CCDC180: variants seen among roughly 807,000 people sequenced by gnomAD.
The protein encoded by CCDC180 is coiled-coil domain-containing protein 180.
CCDC180 carries 154 observed loss-of-function variants against 209.2 expected under a neutral mutation model. The observed-to-expected ratio is 0.74, with a 90% CI of 0.65 to 0.84. CCDC180 has a LOEUF of 0.84. CCDC180 is among the 40% of genes least tolerant of loss of function. The pLI is 0.00. For missense variants in CCDC180, 1,874 were observed against 1,997.3 expected (o/e 0.94, Z 1.18); for synonymous variants, 778 against 749.1 (o/e 1.04, Z -0.63).
chr9:97,359,774 G>A (rs1234346291), intron 25 of CCDC180, among the ~76,000 whole-genome samples: 1 of 152,026 alleles, frequency 6.6e-6, no homozygotes, highest in East Asian at 1.9e-4. Context: ...TGAAGGGTGC[G>A]TTGTCCTTCA....
At chr9:97,332,130 A>G (rs1321403196) in intron 18 of CCDC180, among the ~76,000 whole-genome samples, 2 of 152,138 alleles carry the variant, frequency 1.3e-5, no homozygotes, top group African/African-American at 4.8e-5. Context: ...ACCCAGCACC[A>G]TTTATTAAAT....
At position 97,370,737 on chromosome 9, in the gene CCDC180, G is replaced by A. The variant is rs748240576; in HGVS notation, c.4447G>A (p.Glu1483Lys). Residue 1483 changes from glutamate to lysine, a missense_variant, in exon 33 of 37, where the codon GAG (glutamate) becomes AAG (lysine). Transcript: ENST00000529487. Reference sequence around the variant, plus strand: ...CTTAAGTGAAGAGGAAAGGCAGGAAGAGCTGGACAGCATGATTAGGATGAA... The same window carrying A: ...CTTAAGTGAAGAGGAAAGGCAGGAAAAGCTGGACAGCATGATTAGGATGAA... ...LHLSEEERQEELDSMIRMNKE... is the reference protein window; with the variant it reads ...LHLSEEERQEKLDSMIRMNKE... 5.0e-6 allele frequency: 8 copies of A among 1,614,170 alleles called. No individual in the cohort carries two copies. The East Asian group carries it at 1.8e-4, about 36-fold the overall frequency.
intron 32 of CCDC180, 105 bp downstream of exon 32, chr9:97,370,187 G>A (rs1827039883): frequency 1.5e-6 from 2 of 1,304,160 alleles, no homozygotes; most frequent in Non-Finnish European, 2.1e-6. Context: ...AAGAAGGTGA[G>A]CTTGGCTTGG....
intron 18 of CCDC180, among the ~76,000 whole-genome samples, chr9:97,337,002 T>C (rs940209265): frequency 2.6e-5 from 4 of 152,180 alleles, no homozygotes; most frequent in African/African-American, 9.7e-5. Flanking sequence ...GTGATTTTTG[T>C]ACATTGATTT....
Position 97,312,104 on chromosome 9 carries a change from G to A in CCDC180, c.261-9G>A, listed in dbSNP as rs772132800. ...GCTGGGACTTCACTCTTCTCTGCTTGTGTCTCAGGGAAAAGGAAAGAGCCA... is the reference window on the plus strand; with the variant it reads ...GCTGGGACTTCACTCTTCTCTGCTTATGTCTCAGGGAAAAGGAAAGAGCCA... On this transcript the variant is annotated splice_polypyrimidine_tract_variant and intron_variant, in intron 3 of 36. Transcript: ENST00000529487. 1.9e-6 allele frequency: 3 copies of A among 1,613,218 alleles called. No individual in the cohort carries two copies. The highest frequency in any genetic ancestry group is 1.3e-5 in the African/African-American group (1 of 75,014).
intron 24 of CCDC180, among the ~76,000 whole-genome samples, chr9:97,356,509 C>T (rs981150379): frequency 6.6e-6 from 1 of 152,230 alleles, no homozygotes; most frequent in Non-Finnish European, 1.5e-5. Flanking sequence ...CATAGTGAAT[C>T]CTCAGTAAAG....
intron 24 of CCDC180, among the ~76,000 whole-genome samples, chr9:97,356,190 G>C (rs1183519966): frequency 6.6e-6 from 1 of 152,188 alleles, no homozygotes; most frequent in Non-Finnish European, 1.5e-5. Flanking sequence ...TGGAAATGAA[G>C]GGCCTGGGTT....
rs565758287 is a variant in CCDC180, at chr9:97,353,459, T to TA, written c.3003-1109dup. 1.1e-4 allele frequency among the ~76,000 whole-genome samples: 17 copies of TA among 152,360 alleles called. No individual in the cohort carries two copies. In the East Asian group the frequency reaches 3.3e-3, roughly 29 times the overall value. On this transcript the variant is annotated intron_variant, in intron 22 of 36. Coordinates refer to ENST00000529487, the MANE Select transcript of CCDC180 (RefSeq NM_020893.6). Reference sequence around the variant, plus strand: ...TTTTGGGAGGTCTGTTTCTGTTCTCTATTGTTTTACTGTTTCTCATGCATG... The same window carrying TA: ...TTTTGGGAGGTCTGTTTCTGTTCTCTAATTGTTTTACTGTTTCTCATGCATG...
chr9:97,341,929 C>T (rs533768683), intron 18 of CCDC180, among the ~76,000 whole-genome samples: 1 of 152,180 alleles, frequency 6.6e-6, no homozygotes, highest in Admixed American at 6.5e-5. Context: ...CCTCACAGTT[C>T]GATCTCAGAC....
rs746211158 is a variant in CCDC180, at chr9:97,314,470, T to C, written c.537T>C (p.Arg179=). 3.7e-6 allele frequency: 6 copies of C among 1,613,990 alleles called. No homozygotes were observed. The African/African-American group carries it at 8.0e-5, about 22-fold the overall frequency. Residue 179 remains arginine, a synonymous_variant, in exon 6 of 37, where the codon CGT becomes CGC. Coordinates refer to ENST00000529487, the MANE Select transcript of CCDC180 (RefSeq NM_020893.6). ...KLTESDEEMN[R]LFLKVENDTN... The stretch of plus-strand genomic sequence containing the variant: ...CTGAGTCTGATGAAGAAATGAACCG[T>C]CTCTTCCTAAAGGTGGAAAATGACA...
chr9:97,365,390 C>A, intron 29 of CCDC180: 1 of 385,866 alleles, frequency 2.6e-6, no homozygotes, highest in South Asian at 2.9e-5. Flanking sequence ...TGTCATAAGG[C>A]TGAGGGGGCA....
Position 97,309,584 on chromosome 9 carries a change from G to A in CCDC180, c.240G>A (p.Met80Ile). The A allele has an allele frequency of 1.9e-6, 3 of 1,586,964 alleles. No homozygotes were observed. Among genetic ancestry groups the A allele is most frequent in the Admixed American group, 1.8e-5 (1 of 54,794 alleles). ...ACAGCCTCCCCAACGACTGGATCAT[G>A]GAAAACCCTGTTCTCCACAGGTAGG... is the stretch of plus-strand genomic sequence containing the variant. ...WMHSLPNDWIMENPVLHREKE... is the reference protein window; with the variant it reads ...WMHSLPNDWIIENPVLHREKE... Residue 80 changes from methionine (M) to isoleucine (I), a missense_variant, in exon 3 of 37, where the codon ATG (methionine) becomes ATA (isoleucine). Physicochemically the swap from Met to Ile is conservative, Grantham distance 10. Transcript: ENST00000529487.
intron 11 of CCDC180, 116 bp downstream of exon 11, chr9:97,320,321 G>T: frequency 3.0e-6 from 3 of 994,780 alleles, no homozygotes; most frequent in Non-Finnish European, 3.1e-6. Context: ...GGATGGGGGT[G>T]TGGCAGGAAA....
In CCDC180 at chr9:97,308,051, G is replaced by T. The variant is rs757403113; in HGVS notation, c.-13G>T. ...GACGGCTTCCCGGCAGGGGCATCCA[G>T]CCAGCGGCCAAGATGTCGTCAGTGG... On this transcript the variant is annotated 5_prime_UTR_variant, in exon 2 of 37. Transcript: ENST00000529487. The T allele has an allele frequency of 6.2e-7, 1 of 1,613,530 alleles. No individual in the cohort carries two copies. Among genetic ancestry groups the T allele is most frequent in the Non-Finnish European group, 8.5e-7 (1 of 1,179,760 alleles).
chr9:97,333,236 C>T (rs532743505), intron 18 of CCDC180, among the ~76,000 whole-genome samples: 24 of 152,156 alleles, frequency 1.6e-4, no homozygotes, highest in African/African-American at 5.8e-4. Flanking sequence ...ATGGTGAATT[C>T]GCTTTTTGAT....
At position 97,324,955 on chromosome 9, in the gene CCDC180, G is replaced by A. The variant is rs571392933; in HGVS notation, c.1372-64G>A. ...TTAGAGACAGGGGGTCCCACAGGTG[G>A]GCCCTCTTCTTGGCCCTGGGACTGT... is the stretch of plus-strand genomic sequence containing the variant. On this transcript the variant is annotated intron_variant, in intron 13 of 36. Coordinates refer to ENST00000529487, the MANE Select transcript of CCDC180 (RefSeq NM_020893.6). 971 of 1,494,376 alleles carry A rather than the reference G, an allele frequency of 6.5e-4. 11 individuals carry two copies. The South Asian group carries it at 8.7e-3, about 13-fold the overall frequency. The allele number at this position is 1,494,376 out of a possible 1,614,324, so 92.6% of individuals were successfully genotyped here. A position where few individuals can be genotyped will look rare whatever the true frequency, so the allele number is the denominator to read the frequency against.
rs1827228640 is a variant in CCDC180, at chr9:97,375,536, A to G, written c.4789A>G (p.Lys1597Glu). ...LQPTSSISTT[K>E]TTLGHLAAVE... ...GCCAACATCATCGATTTCCACCACC[A>G]AAACCACCCTGGGCCACCTGGCGGC... The change falls in exon 36 of 37, where the codon AAA (lysine) becomes GAA (glutamate). Residue 1597 changes from lysine to glutamate, a missense_variant. Lys to Glu is a moderately conservative substitution (Grantham distance 56). Coordinates refer to ENST00000529487, the MANE Select transcript of CCDC180 (RefSeq NM_020893.6). 6.2e-7 allele frequency: 1 copy of G among 1,614,208 alleles called. No individual in the cohort carries two copies. The highest frequency in any genetic ancestry group is 8.5e-7 in the Non-Finnish European group (1 of 1,180,038).
chr9:97,327,356 G>T (rs775676604), intron 15 of CCDC180, among the ~76,000 whole-genome samples: 1 of 151,884 alleles, frequency 6.6e-6, no homozygotes, highest in Non-Finnish European at 1.5e-5. Context: ...GGATTATACC[G>T]TGCAAATTGT....
At chr9:97,324,547 C>A (rs972089864) in intron 13 of CCDC180, among the ~76,000 whole-genome samples, 2 of 152,220 alleles carry the variant, frequency 1.3e-5, no homozygotes, top group Admixed American at 1.3e-4. Flanking sequence ...AGCTTGCCCA[C>A]CCCTGGCCCA....
Sources: gnomAD v4.1 joint callset for allele counts (sites outside exome capture counted in the v4.1 genomes callset) on GRCh38, gnomAD v4.1.1 for gene constraint, MANE v1.5 for transcripts, NCBI Gene and HGNC (gene_info 2026-07-23, HGNC 2026-07-21) for gene names.